Variants in PDE4B observed in about 807,000 individuals in gnomAD.
PDE4B encodes the protein phosphodiesterase 4B.
A neutral mutation model predicts 82.2 loss-of-function variants in PDE4B; 20 were observed. That is an observed-to-expected ratio of 0.24 (90% confidence interval 0.17 to 0.35). PDE4B has a LOEUF of 0.35. PDE4B is among the 10% of genes least tolerant of loss of function. The pLI, the probability that PDE4B is intolerant of heterozygous loss-of-function variation, is 1.00. For synonymous variants in PDE4B, 320 were observed against 318.9 expected, an observed-to-expected ratio of 1.00 and a Z score of -0.04; for missense variants, 655 against 907.2, an observed-to-expected ratio of 0.72 and a Z score of 3.57.
intron 1 of PDE4B, among the ~76,000 whole-genome samples, chr1:65,842,299 A>G (rs1418244800): frequency 2.0e-5 from 3 of 152,162 alleles, no homozygotes; most frequent in African/African-American, 4.8e-5. Flanking sequence ...ACAAATAATT[A>G]TAGTGTTTTT....
At chr1:65,818,685 C>CATATATATAT (rs58193032) in intron 1 of PDE4B, among the ~76,000 whole-genome samples, 8,268 of 143,574 alleles carry the variant, frequency 0.058, 304 homozygotes, top group East Asian at 0.13. Flanking sequence ...CACACACACA[C>CATATATATAT]ATATATATAT....
intron 1 of PDE4B, among the ~76,000 whole-genome samples, chr1:65,811,059 C>T (rs1645813902): frequency 6.6e-6 from 1 of 152,190 alleles, no homozygotes; most frequent in South Asian, 2.1e-4. Flanking sequence ...TCTTTTCCCC[C>T]TACCCAGTTG....
intron 6 of PDE4B, among the ~76,000 whole-genome samples, chr1:66,259,581 C>T (rs1570574446): frequency 6.6e-6 from 1 of 152,276 alleles, no homozygotes; most frequent in East Asian, 1.9e-4. Context: ...CCAAACCTGG[C>T]TGAGTGGCCC....
At chr1:65,982,970 G>C (rs943397434) in intron 3 of PDE4B, among the ~76,000 whole-genome samples, 4 of 152,148 alleles carry the variant, frequency 2.6e-5, no homozygotes, top group African/African-American at 9.7e-5. Flanking sequence ...TCAGAGGGCA[G>C]GTCTGGCCAC....
In PDE4B at chr1:65,802,172, A is replaced by AT. The variant is rs33999730; in HGVS notation, c.-71+8932dup. On this transcript the variant is annotated intron_variant, in intron 1 of 16. Transcript: ENST00000341517. ...CAATGCTACAACCAGCAAGAAGTTT[A>AT]TTTTTTTTATACAACATAAAGTGTC... is the stretch of plus-strand genomic sequence containing the variant. 9.8e-3 allele frequency among the ~76,000 whole-genome samples: 1,490 copies of AT among 152,136 alleles called. 21 individuals carry two copies. The highest frequency in any genetic ancestry group is 0.032 in the African/African-American group (1,332 of 41,514).
chr1:66,164,606 A>T (rs1646688051), intron 3 of PDE4B, among the ~76,000 whole-genome samples: 1 of 149,420 alleles, frequency 6.7e-6, no homozygotes, highest in Admixed American at 6.6e-5. Flanking sequence ...AAGACCAGCG[A>T]TCTCTATTAT....
intron 3 of PDE4B, among the ~76,000 whole-genome samples, chr1:65,959,341 A>G (rs549470424): frequency 6.6e-6 from 1 of 152,144 alleles, no homozygotes; most frequent in South Asian, 2.1e-4. Context: ...TTTTCTAGAA[A>G]TCTGAATTTT....
intron 8 of PDE4B, among the ~76,000 whole-genome samples, chr1:66,353,383 A>C (rs1005191202): frequency 1.3e-5 from 2 of 152,156 alleles, no homozygotes; most frequent in Non-Finnish European, 2.9e-5. Context: ...TCACCTCCAA[A>C]AGCCAGGTCT....
rs1371486862 is a variant in PDE4B at position 66,344,000 on chromosome 1, A to G, written c.747+11380A>G. On this transcript the variant is annotated intron_variant, in intron 8 of 16. Coordinates refer to ENST00000341517, the MANE Select transcript of PDE4B (RefSeq NM_002600.4). The stretch of plus-strand genomic sequence containing the variant: ...ATGGGTCACTAATGAAATGGACTCC[A>G]ACTCCCACTCTGGATCTCTCACTCA... Among the ~76,000 whole-genome samples the G allele has an allele frequency of 2.0e-5, 3 of 152,144 alleles. No individual in the cohort carries two copies. In the South Asian group the frequency reaches 6.2e-4, roughly 32 times the overall value.
intron 1 of PDE4B, among the ~76,000 whole-genome samples, chr1:65,865,570 A>G (rs750428266): frequency 3.3e-5 from 5 of 152,152 alleles, no homozygotes; most frequent in Non-Finnish European, 7.4e-5. Flanking sequence ...TGCAAAAACT[A>G]TGGGAAAAGC....
intron 3 of PDE4B, among the ~76,000 whole-genome samples, chr1:65,929,039 G>A (rs926340012): frequency 1.3e-5 from 2 of 152,102 alleles, no homozygotes; most frequent in African/African-American, 4.8e-5. Flanking sequence ...GAAAACTCAA[G>A]CAGTTCTTTT....
chr1:66,080,417 T>G (rs1656663027), intron 3 of PDE4B, among the ~76,000 whole-genome samples: 1 of 152,134 alleles, frequency 6.6e-6, no homozygotes, highest in Non-Finnish European at 1.5e-5. Flanking sequence ...CTTTATAACT[T>G]GAATTGTAGT....
At chr1:65,849,501 G>A (rs1005862290) in intron 1 of PDE4B, among the ~76,000 whole-genome samples, 22 of 152,226 alleles carry the variant, frequency 1.4e-4, no homozygotes, top group Admixed American at 5.2e-4. Context: ...AGAGTTGTCC[G>A]GCCAGTGACT....
chr1:66,342,557 A>G (rs1451224685), intron 8 of PDE4B, among the ~76,000 whole-genome samples: 2 of 143,142 alleles, frequency 1.4e-5, no homozygotes, highest in Non-Finnish European at 3.0e-5. Flanking sequence ...TTAAAAAAAA[A>G]AAAAAAAGAA....
chr1:66,317,523 G>T (rs940247129), intron 7 of PDE4B, among the ~76,000 whole-genome samples: 1 of 152,048 alleles, frequency 6.6e-6, no homozygotes, highest in Admixed American at 6.6e-5. Context: ...GGATCTTGTT[G>T]GGATGAATGG....
intron 3 of PDE4B, among the ~76,000 whole-genome samples, chr1:66,147,142 A>G (rs1203195684): frequency 6.6e-5 from 10 of 152,240 alleles, no homozygotes; most frequent in Admixed American, 6.5e-4. Context: ...ATATTTGATC[A>G]ATATATTATA....
intron 3 of PDE4B, among the ~76,000 whole-genome samples, chr1:66,046,420 C>T (rs552756163): frequency 2.6e-5 from 4 of 151,892 alleles, no homozygotes; most frequent in African/African-American, 7.2e-5. Flanking sequence ...TAAGCACAAA[C>T]TCAGTATTTC....
At chr1:66,266,766 T>C in intron 7 of PDE4B, 3 of 484,774 alleles carry the variant, frequency 6.2e-6, no homozygotes, top group Non-Finnish European at 1.3e-5. Context: ...ACTGAAATTC[T>C]TCTTCACACA....
In PDE4B at chr1:65,813,294, G is replaced by A. The variant is rs1645840664; in HGVS notation, c.-71+20046G>A. Reference sequence around the variant, plus strand: ...GAGAGGTATACGGAGGGAGAAAGAAGTCAACAGTAATATGCAAGTTACTAT... The same window carrying A: ...GAGAGGTATACGGAGGGAGAAAGAAATCAACAGTAATATGCAAGTTACTAT... On this transcript the variant is annotated intron_variant, in intron 1 of 16. Transcript: ENST00000341517. Among the ~76,000 whole-genome samples, 4 of 152,276 alleles carry A rather than the reference G, an allele frequency of 2.6e-5. No individual in the cohort carries two copies. The South Asian group carries it at 8.3e-4, about 32-fold the overall frequency.
Sources: allele counts gnomAD v4.1 joint callset (sites outside exome capture counted in the v4.1 genomes callset), GRCh38; gene constraint gnomAD v4.1.1; transcripts MANE v1.5; gene names NCBI Gene and HGNC (gene_info 2026-07-23, HGNC 2026-07-21).